Variants in MYO1H observed in about 807,000 individuals in gnomAD.
MYO1H encodes the protein unconventional myosin-Ih.
MYO1H carries 118 observed loss-of-function variants against 149.3 expected under a neutral mutation model. The ratio of observed to expected loss-of-function variants is 0.79; its 90% CI spans 0.68 to 0.92. The LOEUF is 0.92. MYO1H is among the 40% of genes least tolerant of loss of function. MYO1H has a pLI of 0.00. For synonymous variants in MYO1H, 447 were observed against 465.2 expected (o/e 0.96, Z 0.50); for missense variants, 1,212 against 1,280.7 (o/e 0.95, Z 0.82).
At chr12:109,410,638 A>G (rs750685989) in intron 12 of MYO1H, 50 bp from the exon 13 acceptor site, 6 of 1,312,074 alleles carry the variant, frequency 4.6e-6, no homozygotes, top group Non-Finnish European at 6.5e-6. Flanking sequence ...ACCAACTTTG[A>G]TGCTCATCTA....
chr12:109,392,626 G>A (rs912451713), intron 2 of MYO1H, among the ~76,000 whole-genome samples: 2 of 151,648 alleles, frequency 1.3e-5, no homozygotes, highest in Non-Finnish European at 2.9e-5. Context: ...AGGCTGAGGA[G>A]AATCACTTGA....
rs902265624 is a variant in MYO1H at position 109,444,139 on chromosome 12, G to A, written c.2825-74G>A. 4 of 1,125,418 alleles carry A rather than the reference G, an allele frequency of 3.6e-6. 1 individual carries two copies. In the Middle Eastern group the frequency reaches 6.0e-4, roughly 169 times the overall value. 69.7% of individuals were successfully genotyped at this position (1,125,418 alleles called of 1,614,324 possible). ...GAAGTGTGGTGTTGGGCAGCCCCTG[G>A]GCGTATCTCTTCTTCCTCTGTACTA... On this transcript the variant is annotated intron_variant, in intron 28 of 31. Transcript: ENST00000310903.
intron 28 of MYO1H, 168 bp downstream of exon 28, chr12:109,443,817 C>T: frequency 1.4e-6 from 1 of 724,994 alleles, no homozygotes; most frequent in South Asian, 1.9e-5. Context: ...GCAGGAGGAT[C>T]ACTTGAGCCT....
At chr12:109,445,816 A>G in intron 31 of MYO1H, 1 of 985,440 alleles carries the variant, frequency 1.0e-6, no homozygotes, top group Non-Finnish European at 1.2e-6. Context: ...GAGAAAAGAA[A>G]AAAAGCTTAA....
rs909565832 is a variant in MYO1H at position 109,400,969 on chromosome 12, A to T, written c.571-124A>T. 19 of 894,550 alleles carry T rather than the reference A, an allele frequency of 2.1e-5. No individual in the cohort carries two copies. The African/African-American group carries it at 2.9e-4, about 14-fold the overall frequency. 55.4% of individuals were successfully genotyped at this position (894,550 alleles called of 1,614,324 possible). ...AATGACAGAAGATTGATATGTCCAA[A>T]AAAAAGAAAGAAGATTGATCAGATC... On this transcript the variant is annotated intron_variant, in intron 5 of 31. Transcript: ENST00000310903.
At chr12:109,346,659 G>A (rs2048103600), upstream of MYO1H, among the ~76,000 whole-genome samples, 2 of 152,108 alleles carry the variant, frequency 1.3e-5, no homozygotes, top group South Asian at 4.2e-4. Context: ...CTACTCAGGA[G>A]GCTGAGGCAG....
chr12:109,321,059 G>T, the MYO1H span, among the ~76,000 whole-genome samples: 1 of 152,042 alleles, frequency 6.6e-6, no homozygotes, highest in Non-Finnish European at 1.5e-5. Context: ...CTGCACTCCA[G>T]CCTGGGCGAC....
chr12:109,332,584 T>C, the MYO1H span, among the ~76,000 whole-genome samples: 3 of 152,318 alleles, frequency 2.0e-5, no homozygotes, highest in South Asian at 6.2e-4. Flanking sequence ...ATTTTCATTT[T>C]TATTTTCTTA....
the MYO1H span, among the ~76,000 whole-genome samples, chr12:109,326,225 A>G: frequency 6.6e-6 from 1 of 152,170 alleles, no homozygotes; most frequent in Non-Finnish European, 1.5e-5. Flanking sequence ...ATCACTGTCC[A>G]GTTGCCCAGG....
At chr12:109,410,041 G>A in exon 12 of MYO1H, 1 of 1,536,692 alleles carries the variant, frequency 6.5e-7, no homozygotes, top group South Asian at 1.2e-5. Context: ...AAGCAGAACA[G>A]GCAGAATATG....
chr12:109,386,210 TC>T (rs1339275246), intron 1 of MYO1H, among the ~76,000 whole-genome samples: 7 of 152,214 alleles, frequency 4.6e-5, no homozygotes, highest in Non-Finnish European at 1.0e-4. Context: ...TTTATTGCTG[TC>T]CTCCTTCTAT....
exon 17 of MYO1H, chr12:109,424,800 A>G: frequency 3.1e-6 from 5 of 1,613,888 alleles, no homozygotes; most frequent in Non-Finnish European, 4.2e-6. Flanking sequence ...CTGCTGGCCG[A>G]GTTAGAAAAC....
At chr12:109,401,403 C>CAT (rs754950069) in intron 6 of MYO1H, 131 bp downstream of exon 6, 16 of 895,854 alleles carry the variant, frequency 1.8e-5, no homozygotes, top group African/African-American at 3.4e-5. Flanking sequence ...CTGATTTCTC[C>CAT]ATATATATAT....
chr12:109,323,737 G>A, the MYO1H span, among the ~76,000 whole-genome samples: 8 of 152,210 alleles, frequency 5.3e-5, no homozygotes, highest in African/African-American at 7.2e-5. Context: ...AAGCAGTAAC[G>A]AGTCGGGGTT....
At chr12:109,423,198 AC>A (rs1480405818) in intron 16 of MYO1H, among the ~76,000 whole-genome samples, 1 of 152,152 alleles carries the variant, frequency 6.6e-6, no homozygotes, top group Admixed American at 6.5e-5. Context: ...TCACTCTGTC[AC>A]CCAGGCTAGA....
chr12:109,335,037 G>T, the MYO1H span, among the ~76,000 whole-genome samples: 1 of 152,052 alleles, frequency 6.6e-6, no homozygotes, highest in East Asian at 1.9e-4. Flanking sequence ...TATATAAGTG[G>T]CTTCTTTAGC....
At chr12:109,443,326 A>G (rs778706146) in intron 27 of MYO1H, among the ~76,000 whole-genome samples, 188 bp from the exon 28 acceptor site, 1 of 65,502 alleles carries the variant, frequency 1.5e-5, no homozygotes, top group South Asian at 4.6e-4. Flanking sequence ...ATATGTGTGT[A>G]TGTATGTGTA....
chr12:109,363,200 T>C (rs1180102487), intron 1 of MYO1H, among the ~76,000 whole-genome samples: 1 of 152,218 alleles, frequency 6.6e-6, no homozygotes, highest in Admixed American at 6.5e-5. Context: ...AATTGTTTCT[T>C]TTTTCTTCAT....
chr12:109,317,968 C>T, the MYO1H span, among the ~76,000 whole-genome samples: 1 of 152,128 alleles, frequency 6.6e-6, no homozygotes, highest in Non-Finnish European at 1.5e-5. Context: ...TAGCCTTTGT[C>T]GTCATGGTTA....
Sources: allele counts gnomAD v4.1 joint callset (sites outside exome capture counted in the v4.1 genomes callset), GRCh38; gene constraint gnomAD v4.1.1; transcripts MANE v1.5; gene names NCBI Gene and HGNC (gene_info 2026-07-23, HGNC 2026-07-21).